The following CSMD1 variants were observed in gnomAD, a reference collection of about 807,000 sequenced individuals.
CSMD1 encodes the protein CUB and Sushi multiple domains 1.
In CSMD1, 213 loss-of-function variants were observed where a neutral mutation model predicts 417.5. The ratio of observed to expected loss-of-function variants is 0.51; its 90% CI spans 0.46 to 0.57. CSMD1 has a LOEUF of 0.57. CSMD1 is among the 20% of genes least tolerant of loss of function. The probability of loss-of-function intolerance (pLI) is 0.00; values close to 1 mark genes in which losing one functional copy is unlikely to be tolerated. For missense variants in CSMD1, 6,923 were observed against 4,529.7 expected, an observed-to-expected ratio of 1.53 and a Z score of -15.17; for synonymous variants, 2,862 against 1,736.8, an observed-to-expected ratio of 1.65 and a Z score of -16.11.
chr8:3,946,185 A>T (rs1811212405), intron 5 of CSMD1, among the ~76,000 whole-genome samples: 1 of 152,150 alleles, frequency 6.6e-6, no homozygotes, highest in Admixed American at 6.5e-5. Flanking sequence ...CAAAGAATAA[A>T]TCTCAGTGGT....
chr8:3,381,640 T>C (rs1810633595), intron 18 of CSMD1, among the ~76,000 whole-genome samples: 1 of 152,116 alleles, frequency 6.6e-6, no homozygotes, highest in South Asian at 2.1e-4. Context: ...CCAGTAGTTA[T>C]CATCCTTCTG....
At chr8:3,755,916 CT>C (rs992588928) in intron 5 of CSMD1, among the ~76,000 whole-genome samples, 2 of 151,988 alleles carry the variant, frequency 1.3e-5, no homozygotes, top group Admixed American at 6.6e-5. Flanking sequence ...ATTTAATCAC[CT>C]TTTTTTATTT....
chr8:4,806,894 G>A (rs1276602692), intron 1 of CSMD1, among the ~76,000 whole-genome samples: 3 of 152,126 alleles, frequency 2.0e-5, no homozygotes, highest in Admixed American at 6.5e-5. Flanking sequence ...CCCTTCCTAG[G>A]AGTTGAATGA....
At chr8:4,004,954 C>G (rs896089550) in intron 4 of CSMD1, among the ~76,000 whole-genome samples, 1 of 152,110 alleles carries the variant, frequency 6.6e-6, no homozygotes, top group African/African-American at 2.4e-5. Flanking sequence ...CCGTGTTAGC[C>G]AGGATGGTCT....
intron 7 of CSMD1, among the ~76,000 whole-genome samples, chr8:3,702,697 T>C (rs1261733163): frequency 2.0e-5 from 3 of 152,176 alleles, no homozygotes; most frequent in Non-Finnish European, 2.9e-5. Context: ...CCGGGCATCG[T>C]GGTGCATGCC....
intron 1 of CSMD1, among the ~76,000 whole-genome samples, chr8:4,701,800 G>A (rs192756185): frequency 9.4e-4 from 143 of 152,028 alleles, no homozygotes; most frequent in Non-Finnish European, 1.6e-3. Context: ...ATTTAATGAA[G>A]ATGCATAATC....
rs568043311 is a variant in CSMD1 at position 3,530,404 on chromosome 8, T to C, written c.1345-36678A>G. ...AGTTTCCAATTTCCCTTGTGATTTT[T>C]TCTTCGATCTAATGATTGTTTAGGT... On this transcript the variant is annotated intron_variant, in intron 10 of 69. Coordinates refer to ENST00000635120, the MANE Select transcript of CSMD1 (RefSeq NM_033225.6). Among the ~76,000 whole-genome samples the C allele has an allele frequency of 7.2e-5, 11 of 152,366 alleles. No homozygotes were observed. In the South Asian group the frequency reaches 2.3e-3, roughly 32 times the overall value.
At chr8:3,616,131 T>C (rs934827583) in intron 8 of CSMD1, among the ~76,000 whole-genome samples, 3 of 152,158 alleles carry the variant, frequency 2.0e-5, no homozygotes, top group Admixed American at 6.6e-5. Context: ...TTAAAAGAAT[T>C]GGAATATGAC....
At chr8:4,974,015 A>AT (rs1368662518) in intron 1 of CSMD1, among the ~76,000 whole-genome samples, 1 of 152,076 alleles carries the variant, frequency 6.6e-6, no homozygotes, top group Non-Finnish European at 1.5e-5. Flanking sequence ...CTCTCTGGAA[A>AT]TTATTTTATT....
intron 17 of CSMD1, among the ~76,000 whole-genome samples, chr8:3,390,784 C>T (rs1000373671): frequency 4.0e-5 from 6 of 151,816 alleles, no homozygotes; most frequent in African/African-American, 1.2e-4. Flanking sequence ...TTGATATGAG[C>T]AGGGTTCTGT....
intron 23 of CSMD1, among the ~76,000 whole-genome samples, chr8:3,329,597 T>C (rs559748261): frequency 6.6e-6 from 1 of 152,174 alleles, no homozygotes; most frequent in African/African-American, 2.4e-5. Flanking sequence ...TCATGTACCA[T>C]GAGTGCGTCC....
chr8:4,474,947 T>A (rs1361580367), intron 2 of CSMD1, among the ~76,000 whole-genome samples: 1 of 152,216 alleles, frequency 6.6e-6, no homozygotes, highest in East Asian at 1.9e-4. Flanking sequence ...CGGTTTGTGT[T>A]ATCTGTAAGA....
At chr8:3,476,916 A>AAC (rs1207294900) in intron 11 of CSMD1, among the ~76,000 whole-genome samples, 37 of 46,278 alleles carry the variant, frequency 8.0e-4, no homozygotes, top group African/African-American at 4.0e-3. Flanking sequence ...CCGCCTCAAA[A>AAC]AAAAAAAAAA....
intron 25 of CSMD1, among the ~76,000 whole-genome samples, chr8:3,306,834 A>G (rs78741303): frequency 7.2e-5 from 2 of 27,916 alleles, no homozygotes; most frequent in South Asian, 1.0e-3. Context: ...AGCTTACTTT[A>G]AAAATATTAC....
intron 25 of CSMD1, among the ~76,000 whole-genome samples, chr8:3,304,733 T>TG (rs1313918919): frequency 4.6e-5 from 7 of 151,036 alleles, no homozygotes; most frequent in Non-Finnish European, 1.0e-4. Flanking sequence ...TTTTTCTCTT[T>TG]TTAATTTTTT....
At chr8:3,644,352 C>G (rs1328555243) in intron 7 of CSMD1, among the ~76,000 whole-genome samples, 2 of 152,198 alleles carry the variant, frequency 1.3e-5, no homozygotes, top group African/African-American at 4.8e-5. Flanking sequence ...TGTGTCATGT[C>G]TGGCTCTAAA....
At position 4,045,948 on chromosome 8, in the gene CSMD1, T is replaced by C. The variant is rs969095853; in HGVS notation, c.416-13849A>G. Among the ~76,000 whole-genome samples, 11 of 152,258 alleles carry C rather than the reference T, an allele frequency of 7.2e-5. No individual in the cohort carries two copies. The South Asian group carries it at 1.7e-3, about 23-fold the overall frequency. On this transcript the variant is annotated intron_variant, in intron 3 of 69. Coordinates refer to ENST00000635120, the MANE Select transcript of CSMD1 (RefSeq NM_033225.6). ...TTTCTGGAAAAATACATCTAAGTCATTCAAATCAAAGTATATTAGATTCCT... is the reference window on the plus strand; with the variant it reads ...TTTCTGGAAAAATACATCTAAGTCACTCAAATCAAAGTATATTAGATTCCT...
chr8:4,175,655 T>C (rs1475645865), intron 3 of CSMD1, among the ~76,000 whole-genome samples: 1 of 152,128 alleles, frequency 6.6e-6, no homozygotes, highest in Non-Finnish European at 1.5e-5. Context: ...AAGTCAGAAC[T>C]ATCTAAAGGT....
chr8:3,337,134 G>A (rs890172781), intron 23 of CSMD1, among the ~76,000 whole-genome samples: 1 of 152,036 alleles, frequency 6.6e-6, no homozygotes, highest in African/African-American at 2.4e-5. Context: ...ACAAGAAGAA[G>A]ACTGAAAAGG....
Sources: gnomAD v4.1 joint callset for allele counts (sites outside exome capture counted in the v4.1 genomes callset) on GRCh38, gnomAD v4.1.1 for gene constraint, MANE v1.5 for transcripts, NCBI Gene and HGNC (gene_info 2026-07-23, HGNC 2026-07-21) for gene names.